The following ZFYVE28 variants were observed in gnomAD, a reference collection of about 807,000 sequenced individuals.
ZFYVE28 encodes the protein zinc finger FYVE-type containing 28.
ZFYVE28 carries 40 observed loss-of-function variants against 82.1 expected under a neutral mutation model. That is an observed-to-expected ratio of 0.49 (90% CI 0.38 to 0.63). The LOEUF (loss-of-function observed/expected upper bound fraction) is 0.63, where lower values mean the gene tolerates loss of function less well. Ranked by LOEUF, ZFYVE28 falls within the 30% of genes least tolerant of loss-of-function variation. The pLI, the probability that ZFYVE28 is intolerant of heterozygous loss-of-function variation, is 0.00. For missense variants in ZFYVE28, 1,321 were observed against 1,242.1 expected, an observed-to-expected ratio of 1.06 and a Z score of -0.96; for synonymous variants, 612 against 546.1, an observed-to-expected ratio of 1.12 and a Z score of -1.68.
At chr4:2,363,408 G>A (rs1726427261) in intron 1 of ZFYVE28, among the ~76,000 whole-genome samples, 1 of 152,158 alleles carries the variant, frequency 6.6e-6, no homozygotes, top group Admixed American at 6.5e-5. Flanking sequence ...GAGTTAGGGA[G>A]GAACCGCCTG....
At chr4:2,379,536 G>A (rs563617778) in intron 1 of ZFYVE28, among the ~76,000 whole-genome samples, 1 of 152,234 alleles carries the variant, frequency 6.6e-6, no homozygotes, top group East Asian at 1.9e-4. Context: ...ATCACTCCTG[G>A]ACGACAAATC....
chr4:2,351,396 T>C (rs1266390009), intron 2 of ZFYVE28, among the ~76,000 whole-genome samples: 3 of 152,146 alleles, frequency 2.0e-5, no homozygotes, highest in Non-Finnish European at 4.4e-5. Context: ...AGTATTTCCA[T>C]ATAGGAGCAC....
chr4:2,271,294 CA>C lies in ZFYVE28; in HGVS notation c.2532+16del, dbSNP rs982105227. On this transcript the variant is annotated intron_variant, in intron 12 of 12. Transcript: ENST00000290974. The stretch of plus-strand genomic sequence containing the variant: ...CTTGGATGCTGAGGGACCCTCCGTG[CA>C]AGGGGTCTCACCCACCTTCCCACAG... 4.6e-5 allele frequency: 74 copies of C among 1,610,688 alleles called. No individual in the cohort carries two copies. Among genetic ancestry groups the C allele is most frequent in the Non-Finnish European group, 5.3e-5 (62 of 1,178,870 alleles).
chr4:2,331,049 C>G, intron 6 of ZFYVE28: 1 of 1,226,462 alleles, frequency 8.2e-7, no homozygotes, highest in African/African-American at 1.7e-5. Flanking sequence ...AAGGAGGGGG[C>G]TGGGGAGGAA....
In ZFYVE28 at chr4:2,408,067, G is replaced by A. The variant is rs986218569; in HGVS notation, c.39+10218C>T. Among the ~76,000 whole-genome samples the A allele has an allele frequency of 6.6e-6, 1 of 152,196 alleles. No homozygotes were observed. The highest frequency in any genetic ancestry group is 2.1e-4 in the South Asian group (1 of 4,832). On this transcript the variant is annotated intron_variant, in intron 1 of 12. Coordinates refer to ENST00000290974, the MANE Select transcript of ZFYVE28 (RefSeq NM_020972.3). This position sits in a 1 kb window ranked among gnomAD's most constrained non-coding sequence, Gnocchi z 4.3. ...GTACCTCACTCGGCCAGGCTGCCCA[G>A]GTGACCCTGTGCTGAAGTGGCCTAT...
chr4:2,271,062 G>T, intron 12 of ZFYVE28: 1 of 781,778 alleles, frequency 1.3e-6, no homozygotes, highest in African/African-American at 1.7e-5. Context: ...GCAGGCTCCT[G>T]TTCACACTCG....
chr4:2,376,658 C>T (rs1021142329), intron 1 of ZFYVE28, among the ~76,000 whole-genome samples: 7 of 152,182 alleles, frequency 4.6e-5, no homozygotes, highest in African/African-American at 1.7e-4. Context: ...ATGAGACGAG[C>T]ATGGGGGGAA....
intron 7 of ZFYVE28, among the ~76,000 whole-genome samples, chr4:2,312,939 G>A (rs1717694198): frequency 6.6e-6 from 1 of 152,042 alleles, no homozygotes; most frequent in South Asian, 2.1e-4. Flanking sequence ...TAGCTACTCA[G>A]GAGGCTGAGG....
chr4:2,275,734 C>T (rs1172232381), intron 8 of ZFYVE28, among the ~76,000 whole-genome samples: 1 of 152,230 alleles, frequency 6.6e-6, no homozygotes, highest in Non-Finnish European at 1.5e-5. Context: ...AAAAAATGTT[C>T]GCACCGTTTC....
At chr4:2,308,683 G>GAAAAGA (rs1553830772) in intron 7 of ZFYVE28, among the ~76,000 whole-genome samples, 247 of 81,484 alleles carry the variant, frequency 3.0e-3, no homozygotes, top group Non-Finnish European at 4.6e-3. Context: ...GAAAGAGAAA[G>GAAAAGA]AAAGAAAAGA....
intron 1 of ZFYVE28, among the ~76,000 whole-genome samples, chr4:2,412,384 C>T (rs1348951047): frequency 3.9e-5 from 6 of 152,172 alleles, no homozygotes; most frequent in Non-Finnish European, 8.8e-5. Context: ...ATTGGTTGAG[C>T]TGTTACTGTG....
intron 8 of ZFYVE28, among the ~76,000 whole-genome samples, chr4:2,284,157 C>A (rs780590208): frequency 6.6e-6 from 1 of 152,192 alleles, no homozygotes; most frequent in Admixed American, 6.5e-5. Flanking sequence ...AGCATGTGGC[C>A]ACACAAGACC....
Position 2,405,733 on chromosome 4 carries a change from C to T in ZFYVE28, c.39+12552G>A, listed in dbSNP as rs1731817571. Among the ~76,000 whole-genome samples, 3 of 152,218 alleles carry T rather than the reference C, an allele frequency of 2.0e-5. 1 individual carries two copies. The South Asian group carries it at 6.2e-4, about 31-fold the overall frequency. ...CTCCTGTCACTGTCCCTCGGGTTCTCTTGGTTCTTTCAACAGTTTCAAAAT... is the reference window on the plus strand; with the variant it reads ...CTCCTGTCACTGTCCCTCGGGTTCTTTTGGTTCTTTCAACAGTTTCAAAAT... On this transcript the variant is annotated intron_variant, in intron 1 of 12. Transcript: ENST00000290974.
At chr4:2,415,440 G>A (rs1231205526) in intron 1 of ZFYVE28, among the ~76,000 whole-genome samples, 1 of 97,656 alleles carries the variant, frequency 1.0e-5, no homozygotes, top group African/African-American at 5.6e-5. Context: ...AACATAGTGA[G>A]ACCCTGTCTC....
chr4:2,352,420 G>A (rs548322772), intron 2 of ZFYVE28, among the ~76,000 whole-genome samples: 16 of 151,990 alleles, frequency 1.1e-4, no homozygotes, highest in Non-Finnish European at 2.4e-4. Flanking sequence ...GGGAGGAAGA[G>A]GGGGAGGCGT....
rs757219122 is a variant in ZFYVE28, at chr4:2,320,835, C to T, written c.702-564G>A. 1.2e-4 allele frequency among the ~76,000 whole-genome samples: 18 copies of T among 152,154 alleles called. No homozygotes were observed. Among genetic ancestry groups the T allele is most frequent in the Non-Finnish European group, 1.9e-4 (13 of 68,022 alleles). Reference sequence around the variant, plus strand: ...CACCTCCCTTGTGGTGCCCACCATGCCCCGAGAAGCTCCCCTCCCCAGGAC... The same window carrying T: ...CACCTCCCTTGTGGTGCCCACCATGTCCCGAGAAGCTCCCCTCCCCAGGAC... On this transcript the variant is annotated intron_variant, in intron 6 of 12. Transcript: ENST00000290974. This position sits in a 1 kb window ranked among gnomAD's most constrained non-coding sequence, Gnocchi z 5.1.
intron 1 of ZFYVE28, among the ~76,000 whole-genome samples, chr4:2,363,463 T>C (rs566328023): frequency 6.6e-6 from 1 of 150,540 alleles, no homozygotes; most frequent in South Asian, 2.1e-4. Flanking sequence ...CTTCAAAGCT[T>C]TGCCCTGGGG....
intron 1 of ZFYVE28, among the ~76,000 whole-genome samples, chr4:2,369,178 G>A (rs1007807886): frequency 3.9e-5 from 6 of 152,184 alleles, no homozygotes; most frequent in African/African-American, 1.4e-4. Flanking sequence ...CCTTCCTCCT[G>A]GTGACATCTG....
At chr4:2,377,079 T>A (rs1045923738) in intron 1 of ZFYVE28, among the ~76,000 whole-genome samples, 9 of 151,652 alleles carry the variant, frequency 5.9e-5, no homozygotes, top group African/African-American at 2.2e-4. Context: ...TGGAGTGCAG[T>A]GGCGCGATCT....
Sources: gnomAD v4.1 joint callset for allele counts (sites outside exome capture counted in the v4.1 genomes callset) on GRCh38, gnomAD v4.1.1 for gene constraint, Gnocchi (gnomAD v3.1) non-coding constraint, MANE v1.5 for transcripts, NCBI Gene and HGNC (gene_info 2026-07-23, HGNC 2026-07-21) for gene names.